GALK2: variants seen among roughly 807,000 people sequenced by gnomAD.
GALK2 encodes the protein galactokinase 2, also known as N-acetylgalactosamine kinase.
A neutral mutation model predicts 52.4 loss-of-function variants in GALK2; 36 were observed. That is an observed-to-expected ratio of 0.69 (90% CI 0.53 to 0.91). GALK2 has a LOEUF of 0.91. Among genes scored for constraint, GALK2 ranks in the 40% least tolerant of loss-of-function variants. The pLI, the probability that GALK2 is intolerant of heterozygous loss-of-function variation, is 0.00. For synonymous variants in GALK2, 176 were observed against 199.1 expected (o/e 0.88, Z 0.98); for missense variants, 579 against 559.1 (o/e 1.04, Z -0.36).
chr15:49,270,673 A>G (rs767863560), intron 5 of GALK2, among the ~76,000 whole-genome samples: 58 of 152,212 alleles, frequency 3.8e-4, no homozygotes, highest in Non-Finnish European at 8.2e-4. Context: ...TATTGTATAC[A>G]TAAAACCCTT....
chr15:49,313,077 G>A (rs913281643), intron 8 of GALK2, among the ~76,000 whole-genome samples: 4 of 152,198 alleles, frequency 2.6e-5, no homozygotes, highest in African/African-American at 9.7e-5. Context: ...CACATAGTTG[G>A]GAATGGTGAG....
At chr15:49,256,136 A>G (rs2091805450) in intron 5 of GALK2, among the ~76,000 whole-genome samples, 1 of 152,160 alleles carries the variant, frequency 6.6e-6, no homozygotes, top group African/African-American at 2.4e-5. Context: ...ATACCAAGCA[A>G]CGCGAATTTG....
At chr15:49,164,214 C>A (rs367942008) in intron 1 of GALK2, among the ~76,000 whole-genome samples, 1 of 152,056 alleles carries the variant, frequency 6.6e-6, no homozygotes, top group African/African-American at 2.4e-5. Context: ...TATGATTAAG[C>A]ATTGAAGGGG....
At chr15:49,314,920 A>T (rs1350945236) in intron 8 of GALK2, among the ~76,000 whole-genome samples, 1 of 152,264 alleles carries the variant, frequency 6.6e-6, no homozygotes, top group African/African-American at 2.4e-5. Context: ...CAAAACAGCT[A>T]CTGCCAAGGG....
intron 2 of GALK2, among the ~76,000 whole-genome samples, chr15:49,203,796 T>A (rs2088003919): frequency 6.6e-6 from 1 of 152,186 alleles, no homozygotes; most frequent in African/African-American, 2.4e-5. Context: ...CTTTTCCCTA[T>A]GAATGAAAGT....
At chr15:49,245,211 A>G (rs1398890795) in intron 5 of GALK2, among the ~76,000 whole-genome samples, 1 of 152,184 alleles carries the variant, frequency 6.6e-6, no homozygotes, top group Non-Finnish European at 1.5e-5. Flanking sequence ...GCAATAAATA[A>G]TGTTTAAAAT....
chr15:49,215,003 A>G (rs1261069257), intron 2 of GALK2, among the ~76,000 whole-genome samples: 1 of 152,220 alleles, frequency 6.6e-6, no homozygotes, highest in Non-Finnish European at 1.5e-5. Flanking sequence ...ATAATATTCT[A>G]GTTCAAAAGT....
At chr15:49,335,134 T>C (rs897218969), downstream of GALK2, among the ~76,000 whole-genome samples, 1 of 152,158 alleles carries the variant, frequency 6.6e-6, no homozygotes, top group Non-Finnish European at 1.5e-5. Context: ...TGGACGATAC[T>C]CCAGTCTCCA....
At chr15:49,196,339 T>C (rs533841870) in intron 1 of GALK2, among the ~76,000 whole-genome samples, 1 of 152,294 alleles carries the variant, frequency 6.6e-6, no homozygotes, top group East Asian at 1.9e-4. Flanking sequence ...GTTATCATTA[T>C]TTTTAGATTC....
At chr15:49,259,455 T>C (rs184833428) in intron 5 of GALK2, among the ~76,000 whole-genome samples, 2 of 150,718 alleles carry the variant, frequency 1.3e-5, no homozygotes, top group Non-Finnish European at 3.0e-5. Context: ...TTATTTGTTC[T>C]TGTGATAGTT....
At chr15:49,220,028 C>G (rs2089673115) in intron 3 of GALK2, among the ~76,000 whole-genome samples, 1 of 141,232 alleles carries the variant, frequency 7.1e-6, no homozygotes, top group South Asian at 2.3e-4. Flanking sequence ...AAATCATTTC[C>G]CTATTTTTGA....
chr15:49,278,210 G>A (rs904062769), intron 5 of GALK2, among the ~76,000 whole-genome samples: 1 of 152,210 alleles, frequency 6.6e-6, no homozygotes, highest in Admixed American at 6.5e-5. Flanking sequence ...GCAGTGAGCC[G>A]AGATCGCACC....
intron 5 of GALK2, among the ~76,000 whole-genome samples, chr15:49,252,803 G>T (rs907430981): frequency 6.9e-6 from 1 of 144,266 alleles, no homozygotes; most frequent in Non-Finnish European, 1.6e-5. Flanking sequence ...TGCATGAGAG[G>T]ATCTATTTTC....
At chr15:49,299,359 G>C (rs1174151918) in intron 8 of GALK2, among the ~76,000 whole-genome samples, 1 of 151,964 alleles carries the variant, frequency 6.6e-6, no homozygotes, top group Non-Finnish European at 1.5e-5. Context: ...TTGATCTTTT[G>C]TATGGATTTT....
chr15:49,295,309 TTCTCTCTC>T (rs58542204), intron 8 of GALK2, among the ~76,000 whole-genome samples: 30 of 145,672 alleles, frequency 2.1e-4, no homozygotes, highest in African/African-American at 6.2e-4. Flanking sequence ...ACAAGCTCAT[TTCTCTCTC>T]TCTCTCTCTC....
chr15:49,166,890 C>G (rs763399484), upstream of GALK2, among the ~76,000 whole-genome samples: 1 of 152,172 alleles, frequency 6.6e-6, no homozygotes, highest in Non-Finnish European at 1.5e-5. Flanking sequence ...AGAGGTTGCA[C>G]AAACAGATTA....
intron 3 of GALK2, among the ~76,000 whole-genome samples, chr15:49,354,307 G>A (rs1232421019): frequency 6.6e-6 from 1 of 152,222 alleles, no homozygotes; most frequent in Non-Finnish European, 1.5e-5. Context: ...CAGAAGACGG[G>A]TGATTTCTGC....
In GALK2 at chr15:49,322,461, G is replaced by A. The variant is rs193242049; in HGVS notation, c.1169+2656G>A. Among the ~76,000 whole-genome samples the A allele has an allele frequency of 4.2e-3, 639 of 152,286 alleles. 9 individuals are homozygous for A. Among genetic ancestry groups the A allele is most frequent in the African/African-American group, 0.015 (610 of 41,552 alleles). On this transcript the variant is annotated intron_variant, in intron 9 of 9. Transcript: ENST00000560031. ...TTTTTCTTTGCTGTCACTGTGACCAGCAGATAATATTCTTCAAATGTTTCA... is the reference window on the plus strand; with the variant it reads ...TTTTTCTTTGCTGTCACTGTGACCAACAGATAATATTCTTCAAATGTTTCA...
chr15:49,338,348 CT>C (rs1383611532), intron 3 of GALK2, among the ~76,000 whole-genome samples: 79 of 152,238 alleles, frequency 5.2e-4, no homozygotes, highest in African/African-American at 1.9e-3. Context: ...TCAGCATTTC[CT>C]TGTCTGTAAA....
Sources: allele counts gnomAD v4.1 joint callset (sites outside exome capture counted in the v4.1 genomes callset), GRCh38; gene constraint gnomAD v4.1.1; transcripts MANE v1.5; gene names NCBI Gene and HGNC (gene_info 2026-07-23, HGNC 2026-07-21).